GABRB1: variants seen among roughly 807,000 people sequenced by gnomAD.
The protein encoded by GABRB1 is gamma-aminobutyric acid type A receptor subunit beta1.
In GABRB1, 17 loss-of-function variants were observed where a neutral mutation model predicts 51.6. The observed-to-expected ratio is 0.33, with a 90% CI of 0.23 to 0.49. GABRB1 has a LOEUF of 0.49. GABRB1 is among the 20% of genes least tolerant of loss of function. The pLI is 0.99. For missense variants in GABRB1, 410 were observed against 600.6 expected (o/e 0.68, Z 3.32); for synonymous variants, 247 against 218.9 (o/e 1.13, Z -1.14).
intron 3 of GABRB1, among the ~76,000 whole-genome samples, chr4:47,123,033 G>T (rs979186331): frequency 2.6e-5 from 4 of 152,010 alleles, no homozygotes. Context: ...AAAATAGGAA[G>T]CTGCAATTAT....
chr4:47,216,162 G>A lies in GABRB1; in HGVS notation c.461+54693G>A, dbSNP rs184909758. Among the ~76,000 whole-genome samples the A allele has an allele frequency of 1.2e-3, 187 of 152,050 alleles. 4 individuals carry two copies. Among genetic ancestry groups the A allele is most frequent in the African/African-American group, 3.9e-3 (164 of 41,540 alleles). On this transcript the variant is annotated intron_variant, in intron 4 of 8. Coordinates refer to ENST00000295454, the MANE Select transcript of GABRB1 (RefSeq NM_000812.4). ...GTGTCAGATTTCATGAGAAACTTTA[G>A]CAGTTCAGAGCTAGCCTTTTTAGAG...
chr4:47,116,201 T>C (rs935319951), intron 3 of GABRB1, among the ~76,000 whole-genome samples: 1 of 152,226 alleles, frequency 6.6e-6, no homozygotes, highest in African/African-American at 2.4e-5. Flanking sequence ...ATTCATGGGA[T>C]CCATAAATAA....
At chr4:47,004,422 T>C (rs1011728318) in intron 1 of GABRB1, among the ~76,000 whole-genome samples, 3 of 152,250 alleles carry the variant, frequency 2.0e-5, no homozygotes, top group African/African-American at 7.2e-5. Context: ...AGCATCATTA[T>C]TAATACCTTT....
intron 1 of GABRB1, among the ~76,000 whole-genome samples, chr4:47,000,236 C>T (rs976645075): frequency 5.9e-5 from 9 of 152,016 alleles, no homozygotes. Context: ...GCCATATGAA[C>T]AAATTTGCAT....
chr4:47,053,219 C>T (rs1726433521), intron 3 of GABRB1, among the ~76,000 whole-genome samples: 1 of 152,146 alleles, frequency 6.6e-6, no homozygotes, highest in Admixed American at 6.5e-5. Flanking sequence ...ATGTCTTTGT[C>T]TTAGTCTGTT....
chr4:47,398,939 C>T (rs1038197696), intron 5 of GABRB1, among the ~76,000 whole-genome samples: 5 of 152,138 alleles, frequency 3.3e-5, no homozygotes, highest in Non-Finnish European at 5.9e-5. Flanking sequence ...TATAGGGGCC[C>T]GCCACCACGT....
intron 3 of GABRB1, among the ~76,000 whole-genome samples, chr4:47,122,718 G>T (rs978854376): frequency 1.3e-5 from 2 of 152,196 alleles, no homozygotes; most frequent in Non-Finnish European, 2.9e-5. Context: ...TGCAACAGCT[G>T]CTGTCACAGG....
intron 5 of GABRB1, among the ~76,000 whole-genome samples, chr4:47,386,245 T>A (rs528399081): frequency 6.6e-6 from 1 of 152,310 alleles, no homozygotes; most frequent in African/African-American, 2.4e-5. Flanking sequence ...TGAGAGATGC[T>A]GCTGTCACCC....
At chr4:47,325,196 G>A (rs184803955) in intron 5 of GABRB1, among the ~76,000 whole-genome samples, 239 of 152,250 alleles carry the variant, frequency 1.6e-3, no homozygotes, top group Non-Finnish European at 2.9e-3. Flanking sequence ...CAACACTTTG[G>A]GAGGCCGAGG....
At chr4:47,240,035 A>G (rs1320704132) in intron 4 of GABRB1, among the ~76,000 whole-genome samples, 1 of 152,174 alleles carries the variant, frequency 6.6e-6, no homozygotes, top group Non-Finnish European at 1.5e-5. Flanking sequence ...ATTTACATGA[A>G]TTTATTCTCA....
At chr4:47,127,077 G>T (rs1320307165) in intron 3 of GABRB1, among the ~76,000 whole-genome samples, 1 of 151,716 alleles carries the variant, frequency 6.6e-6, no homozygotes, top group Non-Finnish European at 1.5e-5. Context: ...AAATATGTAT[G>T]CCAAAGTCAG....
chr4:47,087,533 A>G (rs1467396736), intron 3 of GABRB1, among the ~76,000 whole-genome samples: 4 of 148,492 alleles, frequency 2.7e-5, no homozygotes, highest in African/African-American at 1.0e-4. Flanking sequence ...ATCCCCCGTT[A>G]GCACTTTCTT....
At chr4:47,130,969 C>G (rs1716388600) in intron 3 of GABRB1, among the ~76,000 whole-genome samples, 1 of 152,150 alleles carries the variant, frequency 6.6e-6, no homozygotes, top group Admixed American at 6.5e-5. Context: ...ATCAAACTGA[C>G]AAGTGGCATA....
chr4:47,007,398 T>C (rs1249583546), intron 1 of GABRB1, among the ~76,000 whole-genome samples: 1 of 152,070 alleles, frequency 6.6e-6, no homozygotes, highest in African/African-American at 2.4e-5. Flanking sequence ...AAAACTAAGA[T>C]CTCTAATTAT....
intron 3 of GABRB1, among the ~76,000 whole-genome samples, chr4:47,047,668 A>C (rs892774677): frequency 1.3e-5 from 2 of 152,202 alleles, no homozygotes; most frequent in East Asian, 3.8e-4. Context: ...TTAGCAATTA[A>C]TATTATTTAT....
intron 3 of GABRB1, among the ~76,000 whole-genome samples, chr4:47,069,450 ATGAC>A: frequency 6.6e-6 from 1 of 152,324 alleles, no homozygotes; most frequent in South Asian, 2.1e-4. Context: ...ATGTTGAAAA[ATGAC>A]TGCTAATTTT....
chr4:47,410,570 C>T (rs1392596023), intron 8 of GABRB1, among the ~76,000 whole-genome samples: 1 of 152,100 alleles, frequency 6.6e-6, no homozygotes, highest in Non-Finnish European at 1.5e-5. Flanking sequence ...TCCAGAGTTC[C>T]TGGAAATTTT....
intron 3 of GABRB1, among the ~76,000 whole-genome samples, chr4:47,046,150 T>C (rs1726075765): frequency 6.6e-6 from 1 of 152,102 alleles, no homozygotes; most frequent in Non-Finnish European, 1.5e-5. Flanking sequence ...GCCATGATTG[T>C]ATGTTTCCTG....
At chr4:47,307,594 A>G (rs1393031412) in intron 4 of GABRB1, among the ~76,000 whole-genome samples, 1 of 152,060 alleles carries the variant, frequency 6.6e-6, no homozygotes, top group East Asian at 1.9e-4. Context: ...AATAAACCAT[A>G]AAAATATATG....
Sources: gnomAD v4.1 joint callset for allele counts (sites outside exome capture counted in the v4.1 genomes callset) on GRCh38, gnomAD v4.1.1 for gene constraint, MANE v1.5 for transcripts, NCBI Gene and HGNC (gene_info 2026-07-23, HGNC 2026-07-21) for gene names.